COP1: variants seen among roughly 807,000 people sequenced by gnomAD.
The protein encoded by COP1 is COP1 E3 ubiquitin ligase.
A neutral mutation model predicts 101.3 loss-of-function variants in COP1; 24 were observed. The ratio of observed to expected loss-of-function variants is 0.24; its 90% CI spans 0.17 to 0.33. The LOEUF (loss-of-function observed/expected upper bound fraction) is 0.33, where lower values mean the gene tolerates loss of function less well. Among genes scored for constraint, COP1 ranks in the 10% least tolerant of loss-of-function variants. The pLI is 1.00. For missense variants in COP1, 663 were observed against 906.2 expected (o/e 0.73, Z 3.45); for synonymous variants, 347 against 341.9 (o/e 1.01, Z -0.17).
At chr1:176,167,119 A>G (rs1695263645) in intron 3 of COP1, among the ~76,000 whole-genome samples, 1 of 152,184 alleles carries the variant, frequency 6.6e-6, no homozygotes, top group Non-Finnish European at 1.5e-5. Flanking sequence ...AGGTATATAC[A>G]CTGGACTCAA....
chr1:176,047,162 T>C (rs1194120470), intron 11 of COP1, among the ~76,000 whole-genome samples: 1 of 152,306 alleles, frequency 6.6e-6, no homozygotes, highest in Middle Eastern at 3.4e-3. Context: ...AATCATCACA[T>C]ACATTATTCC....
chr1:175,947,431 C>T lies in COP1; in HGVS notation c.2134-192G>A, dbSNP rs559554153. On this transcript the variant is annotated intron_variant, in intron 18 of 19. Coordinates refer to ENST00000367669, the MANE Select transcript of COP1 (RefSeq NM_022457.7). ...TGTTGCCCAGGCTGGAGTGCAATGG[C>T]GCGATCTTGGCTCACCACAACCTCC... The T allele has an allele frequency of 1.0e-4, 49 of 476,628 alleles. 1 individual carries two copies. Among genetic ancestry groups the T allele is most frequent in the East Asian group, 4.5e-4 (12 of 26,464 alleles). The allele number at this position is 476,628 out of a possible 1,614,324, so 29.5% of individuals were successfully genotyped here. A position where few individuals can be genotyped will look rare whatever the true frequency, so the allele number is the denominator to read the frequency against.
chr1:176,044,711 C>T (rs1671207138), intron 12 of COP1, among the ~76,000 whole-genome samples: 1 of 152,186 alleles, frequency 6.6e-6, no homozygotes, highest in Non-Finnish European at 1.5e-5. Flanking sequence ...ATTTAGTACA[C>T]TTTCACAGTA....
intron 2 of COP1, among the ~76,000 whole-genome samples, chr1:176,178,687 A>G (rs1697315117): frequency 6.6e-6 from 1 of 151,918 alleles, no homozygotes; most frequent in Non-Finnish European, 1.5e-5. Flanking sequence ...CCCCGTCTCT[A>G]CTAAACATAC....
intron 18 of COP1, among the ~76,000 whole-genome samples, chr1:175,961,835 A>C (rs1651404153): frequency 6.6e-6 from 1 of 152,184 alleles, no homozygotes; most frequent in Non-Finnish European, 1.5e-5. Flanking sequence ...TGGAAGAATA[A>C]AACTTGAAAT....
At position 175,987,033 on chromosome 1, in the gene COP1, A is replaced by T. The variant is rs1464569267; in HGVS notation, c.2043T>A (p.Asp681Glu). The T allele has an allele frequency of 1.9e-6, 3 of 1,607,848 alleles. No homozygotes were observed. The highest frequency in any genetic ancestry group is 2.6e-6 in the Non-Finnish European group (3 of 1,175,226). The change falls in exon 18 of 20, where the codon GAT (aspartate) becomes GAA (glutamate). Residue 681 changes from aspartate (D) to glutamate (E), a missense_variant. Coordinates refer to ENST00000367669, the MANE Select transcript of COP1 (RefSeq NM_022457.7). ...CTTTGTCGAGAACACTTTTGACTGTATCAAACTTAAAAGTTAGCAAAGTCT... is the reference window on the plus strand; with the variant it reads ...CTTTGTCGAGAACACTTTTGACTGTTTCAAACTTAAAAGTTAGCAAAGTCT... ...LSKTLLTFKF[D>E]TVKSVLDKDR... is the part of the protein sequence containing the mutation.
Position 176,206,722 on chromosome 1 carries a change from A to T in COP1, c.257T>A (p.Leu86Gln). The T allele has an allele frequency of 6.3e-7, 1 of 1,584,860 alleles. No homozygotes were observed. The highest frequency in any genetic ancestry group is 8.5e-7 in the Non-Finnish European group (1 of 1,171,964). ...GSGGGAVSTGLSRHSCAARPS... is the reference protein window; with the variant it reads ...GSGGGAVSTGQSRHSCAARPS... Reference sequence around the variant, plus strand: ...CCTGGCCGCGCAGCTGTGCCGGGACAGGCCCGTGGACACCGCCCCGCCGCC... The same window carrying T: ...CCTGGCCGCGCAGCTGTGCCGGGACTGGCCCGTGGACACCGCCCCGCCGCC... The change falls in exon 1 of 20, where the codon CTG becomes CAG. Residue 86 changes from leucine to glutamine, a missense_variant. Leu to Gln is a moderately radical substitution (Grantham distance 113). Coordinates refer to ENST00000367669, the MANE Select transcript of COP1 (RefSeq NM_022457.7).
intron 18 of COP1, among the ~76,000 whole-genome samples, chr1:175,956,032 T>TAA (rs1650608430): frequency 6.6e-6 from 1 of 152,106 alleles, no homozygotes. Context: ...GACATTATAA[T>TAA]AGTTAAAATA....
At chr1:175,976,607 T>C (rs909832431) in intron 18 of COP1, among the ~76,000 whole-genome samples, 1 of 152,102 alleles carries the variant, frequency 6.6e-6, no homozygotes, top group Admixed American at 6.6e-5. Flanking sequence ...AGTTGCTATT[T>C]TGGTTCAGTT....
intron 18 of COP1, among the ~76,000 whole-genome samples, chr1:175,965,864 G>A (rs1323042568): frequency 1.3e-5 from 2 of 152,186 alleles, no homozygotes; most frequent in East Asian, 3.9e-4. Flanking sequence ...TTACAAGCGT[G>A]AGCCACCGCA....
chr1:176,028,790 G>A (rs933201627), intron 14 of COP1, among the ~76,000 whole-genome samples: 2 of 144,108 alleles, frequency 1.4e-5, no homozygotes, highest in East Asian at 4.1e-4. Flanking sequence ...TCCTCACTCT[G>A]TCATTCAGGC....
intron 3 of COP1, among the ~76,000 whole-genome samples, chr1:176,169,554 T>C (rs1163095099): frequency 2.0e-5 from 3 of 152,224 alleles, no homozygotes; most frequent in Non-Finnish European, 2.9e-5. Context: ...CTGTTTACGC[T>C]ATACCGTAGT....
chr1:176,125,015 AATG>A (rs1375170420), intron 8 of COP1, among the ~76,000 whole-genome samples: 35 of 152,196 alleles, frequency 2.3e-4, no homozygotes, highest in African/African-American at 8.0e-4. Context: ...TCTGATGATC[AATG>A]ATGTTGAACA....
chr1:176,035,733 C>T (rs1257991864), intron 14 of COP1, among the ~76,000 whole-genome samples: 5 of 74,944 alleles, frequency 6.7e-5, no homozygotes, highest in Admixed American at 3.8e-4. Flanking sequence ...AAAAAAAAAA[C>T]GCAAGCATAC....
chr1:175,945,026 A>G lies in COP1; in HGVS notation c.*127T>C, dbSNP rs1432796050. On this transcript the variant is annotated 3_prime_UTR_variant, in exon 20 of 20. Transcript: ENST00000367669. ...AAAAGAAAAAAAGAAAAAAATATTC[A>G]AAACAAATCCAAAACCCATGATGAC... 2 of 780,544 alleles carry G rather than the reference A, an allele frequency of 2.6e-6. No homozygotes were observed. Among genetic ancestry groups the G allele is most frequent in the Non-Finnish European group, 2.1e-6 (1 of 474,906 alleles). 48.4% of individuals were successfully genotyped at this position (780,544 alleles called of 1,614,324 possible).
chr1:176,068,355 G>C (rs961836718), intron 11 of COP1, among the ~76,000 whole-genome samples: 3 of 152,050 alleles, frequency 2.0e-5, no homozygotes, highest in Non-Finnish European at 4.4e-5. Flanking sequence ...GAAATTGCTA[G>C]AAATGCAAAT....
chr1:176,185,192 AAAAC>A (rs1418964813), intron 1 of COP1, among the ~76,000 whole-genome samples: 2 of 152,214 alleles, frequency 1.3e-5, no homozygotes, highest in Non-Finnish European at 2.9e-5. Flanking sequence ...CTATTTAAAT[AAAAC>A]AAACTATACA....
At chr1:176,160,409 A>T (rs1350474629) in intron 5 of COP1, 1 of 235,304 alleles carries the variant, frequency 4.2e-6, no homozygotes, top group East Asian at 1.1e-4. Context: ...CAAAAGCCAA[A>T]ATTGGCATAT....
At chr1:175,962,266 G>A (rs1335071803) in intron 18 of COP1, among the ~76,000 whole-genome samples, 1 of 152,172 alleles carries the variant, frequency 6.6e-6, no homozygotes, top group South Asian at 2.1e-4. Context: ...TCTTGTGAAA[G>A]AGAGGAATTC....
Sources: allele counts gnomAD v4.1 joint callset (sites outside exome capture counted in the v4.1 genomes callset), GRCh38; gene constraint gnomAD v4.1.1; transcripts MANE v1.5; gene names NCBI Gene and HGNC (gene_info 2026-07-23, HGNC 2026-07-21).